The following TMEM108 variants were observed in gnomAD, a reference collection of about 807,000 sequenced individuals.
The protein encoded by TMEM108 is cancer/testis antigen 124.
In TMEM108, 12 loss-of-function variants were observed where a neutral mutation model predicts 35.1. The observed-to-expected ratio is 0.34, with a 90% CI of 0.22 to 0.55. TMEM108 has a LOEUF of 0.55. TMEM108 is among the 20% of genes least tolerant of loss of function. TMEM108 has a pLI of 0.89. For missense variants in TMEM108, 680 were observed against 753.3 expected, an observed-to-expected ratio of 0.90 and a Z score of 1.14; for synonymous variants, 287 against 308.6, an observed-to-expected ratio of 0.93 and a Z score of 0.73.
At chr3:133,315,429 G>A (rs2887728) in intron 3 of TMEM108, among the ~76,000 whole-genome samples, 146,941 of 152,302 alleles carry the variant, frequency 0.96, 71,076 homozygotes, top group East Asian at 1. Flanking sequence ...ACCTGGGTCT[G>A]TGGAAGGAGG....
At chr3:133,206,849 T>C (rs1196616533) in intron 2 of TMEM108, among the ~76,000 whole-genome samples, 2 of 152,178 alleles carry the variant, frequency 1.3e-5, no homozygotes, top group Non-Finnish European at 2.9e-5. Flanking sequence ...GATCCACTGC[T>C]CCCTTCAGAG....
At chr3:133,090,983 T>G (rs1183911403) in intron 2 of TMEM108, among the ~76,000 whole-genome samples, 1 of 152,130 alleles carries the variant, frequency 6.6e-6, no homozygotes, top group Non-Finnish European at 1.5e-5. Flanking sequence ...TATTTGTGAA[T>G]TTTTAGGGTA....
chr3:133,355,532 AGTT>A (rs1051138787), intron 3 of TMEM108, among the ~76,000 whole-genome samples: 1 of 152,230 alleles, frequency 6.6e-6, no homozygotes, highest in African/African-American at 2.4e-5. Context: ...TGAAACAAAA[AGTT>A]GTTGTGTGTG....
At chr3:133,152,515 T>C (rs1198388277) in intron 2 of TMEM108, among the ~76,000 whole-genome samples, 15 of 152,142 alleles carry the variant, frequency 9.9e-5, no homozygotes, top group Admixed American at 9.8e-4. Context: ...TTTTAGAAAT[T>C]GTCGTCATCT....
chr3:133,213,434 T>C (rs1042064461), intron 2 of TMEM108, among the ~76,000 whole-genome samples: 2 of 152,248 alleles, frequency 1.3e-5, no homozygotes, highest in African/African-American at 4.8e-5. Context: ...ATTGAAATGC[T>C]TTCCCTGAAT....
chr3:133,163,516 G>A (rs1327512106), intron 2 of TMEM108, among the ~76,000 whole-genome samples: 2 of 152,204 alleles, frequency 1.3e-5, no homozygotes, highest in Non-Finnish European at 2.9e-5. Context: ...TATTGTGGTG[G>A]ACAGCAGAGG....
chr3:133,216,904 A>G (rs992973067), intron 2 of TMEM108, among the ~76,000 whole-genome samples: 1 of 152,118 alleles, frequency 6.6e-6, no homozygotes, highest in African/African-American at 2.4e-5. Flanking sequence ...ATGGACGTGC[A>G]TATCTCTACA....
chr3:133,329,672 T>G (rs2071371556), intron 3 of TMEM108, among the ~76,000 whole-genome samples: 1 of 152,182 alleles, frequency 6.6e-6, no homozygotes, highest in South Asian at 2.1e-4. Context: ...ATTTATTTTT[T>G]TAAGGCAAAG....
intron 3 of TMEM108, among the ~76,000 whole-genome samples, chr3:133,307,007 A>G (rs557812337): frequency 1.1e-4 from 17 of 152,240 alleles, no homozygotes; most frequent in African/African-American, 3.4e-4. Context: ...AAGTGTTCCT[A>G]TTTCTCCACA....
At chr3:133,271,609 G>T (rs1946772046) in intron 3 of TMEM108, among the ~76,000 whole-genome samples, 1 of 152,192 alleles carries the variant, frequency 6.6e-6, no homozygotes, top group Non-Finnish European at 1.5e-5. Context: ...TCACACGATT[G>T]CCCAGATAGT....
At chr3:133,288,955 C>G (rs1179984674) in intron 3 of TMEM108, among the ~76,000 whole-genome samples, 2 of 152,122 alleles carry the variant, frequency 1.3e-5, no homozygotes, top group East Asian at 1.9e-4. Context: ...AGGCTGGTCT[C>G]AAACTCCTGA....
chr3:133,308,550 A>G (rs543598503), intron 3 of TMEM108, among the ~76,000 whole-genome samples: 1 of 152,204 alleles, frequency 6.6e-6, no homozygotes, highest in African/African-American at 2.4e-5. Flanking sequence ...TACCTAGTTT[A>G]TTGAGAGTTT....
chr3:133,057,865 A>G (rs1414700111), intron 2 of TMEM108, among the ~76,000 whole-genome samples: 2 of 152,204 alleles, frequency 1.3e-5, no homozygotes, highest in Non-Finnish European at 2.9e-5. Flanking sequence ...CTGCATGAGC[A>G]CTGATGATGG....
At chr3:133,255,483 A>G (rs1475758554) in intron 3 of TMEM108, among the ~76,000 whole-genome samples, 3 of 152,238 alleles carry the variant, frequency 2.0e-5, no homozygotes, top group Non-Finnish European at 4.4e-5. Context: ...CTTGGAATAT[A>G]CTATGGAGAA....
intron 2 of TMEM108, among the ~76,000 whole-genome samples, chr3:133,154,650 G>A (rs1375361576): frequency 1.3e-5 from 2 of 151,624 alleles, no homozygotes; most frequent in East Asian, 1.9e-4. Context: ...TCATAGGTGG[G>A]AATTGAACAA....
At chr3:133,145,996 T>C (rs570613110) in intron 2 of TMEM108, among the ~76,000 whole-genome samples, 56 of 152,294 alleles carry the variant, frequency 3.7e-4, no homozygotes, top group African/African-American at 1.3e-3. Flanking sequence ...GAACTTCCAA[T>C]ACTATGTTGA....
At chr3:133,038,991 G>C (rs930421616) in intron 1 of TMEM108, among the ~76,000 whole-genome samples, 2 of 152,246 alleles carry the variant, frequency 1.3e-5, no homozygotes, top group African/African-American at 2.4e-5. Context: ...TGCTGCCCGG[G>C]AGGTTGCTCT....
chr3:133,353,632 C>T (rs1020571722), intron 3 of TMEM108, among the ~76,000 whole-genome samples: 1 of 152,174 alleles, frequency 6.6e-6, no homozygotes, highest in East Asian at 1.9e-4. Context: ...AACTCTATAT[C>T]ACCTGTATGC....
chr3:133,311,259 C>T (rs2071124429), intron 3 of TMEM108, among the ~76,000 whole-genome samples: 1 of 152,080 alleles, frequency 6.6e-6, no homozygotes, highest in Non-Finnish European at 1.5e-5. Context: ...TGAAAGTTGG[C>T]CTTGCTAGGT....
Sources: gnomAD v4.1 joint callset for allele counts (sites outside exome capture counted in the v4.1 genomes callset) on GRCh38, gnomAD v4.1.1 for gene constraint, MANE v1.5 for transcripts, NCBI Gene and HGNC (gene_info 2026-07-23, HGNC 2026-07-21) for gene names.